RSRC1: variants seen among roughly 807,000 people sequenced by gnomAD.
RSRC1 encodes serine/Arginine-related protein 53.
Under a neutral mutation model 49.1 loss-of-function variants are expected in RSRC1, and 39 were observed. The ratio of observed to expected loss-of-function variants is 0.79; its 90% CI spans 0.61 to 1.04. RSRC1 has a LOEUF of 1.04. Ranked by LOEUF, RSRC1 falls within the 50% of genes least tolerant of loss-of-function variation. The pLI is 0.00. For missense variants in RSRC1, 388 were observed against 402.4 expected, an observed-to-expected ratio of 0.96 and a Z score of 0.31; for synonymous variants, 143 against 130.8, an observed-to-expected ratio of 1.09 and a Z score of -0.63.
intron 6 of RSRC1, among the ~76,000 whole-genome samples, chr3:158,356,716 G>T (rs987472757): frequency 1.3e-5 from 2 of 151,928 alleles, no homozygotes; most frequent in African/African-American, 4.8e-5. Flanking sequence ...GCTCCTAATT[G>T]AGTATTCCAG....
At position 158,446,497 on chromosome 3, in the gene RSRC1, A is replaced by T. The variant is rs541895508; in HGVS notation, c.584-14438A>T. Among the ~76,000 whole-genome samples, 6 of 152,090 alleles carry T rather than the reference A, an allele frequency of 3.9e-5. No homozygotes were observed. In the South Asian group the frequency reaches 1.2e-3, roughly 32 times the overall value. On this transcript the variant is annotated intron_variant, in intron 6 of 9. Coordinates refer to ENST00000611884, the MANE Select transcript of RSRC1 (RefSeq NM_001271838.2). ...TTTTATATATAGTGTTTTATTAATGAAATACATTGACTTACTAGTAAAAAT... is the reference window on the plus strand; with the variant it reads ...TTTTATATATAGTGTTTTATTAATGTAATACATTGACTTACTAGTAAAAAT...
At chr3:158,208,694 G>A (rs1443615210) in intron 4 of RSRC1, among the ~76,000 whole-genome samples, 1 of 152,072 alleles carries the variant, frequency 6.6e-6, no homozygotes, top group Non-Finnish European at 1.5e-5. Flanking sequence ...ATTTTTATAA[G>A]GGATAATGTC....
At chr3:158,206,395 T>C (rs1484199596) in intron 4 of RSRC1, among the ~76,000 whole-genome samples, 1 of 152,164 alleles carries the variant, frequency 6.6e-6, no homozygotes, top group Non-Finnish European at 1.5e-5. Flanking sequence ...TGGAAAGGCT[T>C]GGAGGCATCA....
chr3:158,179,243 A>G (rs1313315719), intron 3 of RSRC1, among the ~76,000 whole-genome samples: 1 of 152,180 alleles, frequency 6.6e-6, no homozygotes, highest in Non-Finnish European at 1.5e-5. Context: ...GAGAGATCCT[A>G]TACACTCTTT....
In RSRC1 at chr3:158,174,929, C is replaced by T. The variant is rs188576458; in HGVS notation, c.321-28143C>T. ...CCAACTTGTTTATACTCATTTAAAT[C>T]CCTACCATTGGTATATGAGAGTTCT... On this transcript the variant is annotated intron_variant, in intron 3 of 9. Coordinates refer to ENST00000611884, the MANE Select transcript of RSRC1 (RefSeq NM_001271838.2). Among the ~76,000 whole-genome samples the T allele has an allele frequency of 2.0e-3, 301 of 152,134 alleles. 4 individuals are homozygous for T. Among genetic ancestry groups the T allele is most frequent in the Admixed American group, 0.019 (288 of 15,270 alleles).
chr3:158,380,654 T>C (rs1331056895), intron 6 of RSRC1, among the ~76,000 whole-genome samples: 2 of 152,272 alleles, frequency 1.3e-5, no homozygotes, highest in African/African-American at 2.4e-5. Flanking sequence ...ATGAGTTTGG[T>C]ATTTTATAAA....
intron 6 of RSRC1, among the ~76,000 whole-genome samples, chr3:158,364,288 C>A (rs962760004): frequency 7.0e-6 from 1 of 142,586 alleles, no homozygotes; most frequent in Non-Finnish European, 1.6e-5. Flanking sequence ...GGTTTCTGAC[C>A]ACTCACTATC....
At chr3:158,144,354 A>T (rs1417258060) in intron 3 of RSRC1, among the ~76,000 whole-genome samples, 1 of 151,308 alleles carries the variant, frequency 6.6e-6, no homozygotes, top group African/African-American at 2.4e-5. Context: ...CTCATTGTTC[A>T]ATTCCCACCT....
At chr3:158,229,300 G>A (rs1722785150) in intron 4 of RSRC1, among the ~76,000 whole-genome samples, 1 of 149,546 alleles carries the variant, frequency 6.7e-6, no homozygotes, top group African/African-American at 2.5e-5. Context: ...ACACGTATAT[G>A]TGTATGTATG....
intron 7 of RSRC1, among the ~76,000 whole-genome samples, chr3:158,533,734 G>C (rs1199028185): frequency 6.6e-6 from 1 of 151,614 alleles, no homozygotes; most frequent in Non-Finnish European, 1.5e-5. Context: ...TAATTCTAGT[G>C]AAATTAACTA....
chr3:158,110,568 T>C (rs1313715491), intron 1 of RSRC1: 1 of 152,656 alleles, frequency 6.6e-6, no homozygotes, highest in Non-Finnish European at 1.5e-5. Flanking sequence ...CTGGCTCATC[T>C]TGCAATATAA....
intron 7 of RSRC1, among the ~76,000 whole-genome samples, chr3:158,462,405 T>C (rs1171003101): frequency 1.3e-5 from 2 of 151,964 alleles, no homozygotes; most frequent in Non-Finnish European, 2.9e-5. Context: ...ATGGCCCTTA[T>C]AAAACTCTGT....
At chr3:158,161,391 C>CA (rs777470718) in intron 3 of RSRC1, among the ~76,000 whole-genome samples, 2 of 152,206 alleles carry the variant, frequency 1.3e-5, no homozygotes, top group Non-Finnish European at 2.9e-5. Context: ...TGCTAAATGT[C>CA]ACTTCTGCCA....
At chr3:158,483,991 C>T (rs144435540) in intron 7 of RSRC1, among the ~76,000 whole-genome samples, 105 of 152,198 alleles carry the variant, frequency 6.9e-4, no homozygotes, top group African/African-American at 2.4e-3. Context: ...GAAATCTGTG[C>T]GGACGCTAAG....
intron 4 of RSRC1, among the ~76,000 whole-genome samples, chr3:158,224,427 T>C (rs1559949996): frequency 6.6e-6 from 1 of 151,876 alleles, no homozygotes; most frequent in Non-Finnish European, 1.5e-5. Context: ...GTGTTCAATA[T>C]ATTATATAAA....
intron 4 of RSRC1, among the ~76,000 whole-genome samples, chr3:158,228,596 T>C (rs1194784934): frequency 6.6e-6 from 1 of 151,910 alleles, no homozygotes; most frequent in Non-Finnish European, 1.5e-5. Flanking sequence ...TTAAAAAAAA[T>C]TGAGGCTATT....
At chr3:158,190,556 G>T (rs1720178241) in intron 3 of RSRC1, among the ~76,000 whole-genome samples, 2 of 147,534 alleles carry the variant, frequency 1.4e-5, no homozygotes, top group African/African-American at 2.5e-5. Flanking sequence ...TAAATAAATT[G>T]GTTTTTTTTC....
intron 4 of RSRC1, among the ~76,000 whole-genome samples, chr3:158,288,821 G>T: frequency 1.0e-5 from 1 of 100,028 alleles, no homozygotes; most frequent in African/African-American, 3.9e-5. Context: ...GTTCAATACA[G>T]ATGCACGTTC....
chr3:158,254,572 C>T (rs935569861), intron 4 of RSRC1, among the ~76,000 whole-genome samples: 4 of 152,110 alleles, frequency 2.6e-5, no homozygotes, highest in African/African-American at 9.7e-5. Flanking sequence ...GCTGGGACTA[C>T]AGGCGGCCGC....
Sources: allele counts gnomAD v4.1 joint callset (sites outside exome capture counted in the v4.1 genomes callset), GRCh38; gene constraint gnomAD v4.1.1; transcripts MANE v1.5; gene names NCBI Gene and HGNC (gene_info 2026-07-23, HGNC 2026-07-21).